The following LHPP variants were observed in gnomAD, a reference collection of about 807,000 sequenced individuals.
The protein encoded by LHPP is phospholysine phosphohistidine inorganic pyrophosphate phosphatase, also known as hLHPP.
Under a neutral mutation model 30.3 loss-of-function variants are expected in LHPP, and 24 were observed. That is an observed-to-expected ratio of 0.79 (90% CI 0.57 to 1.11). LHPP has a LOEUF of 1.11. Ranked by LOEUF, LHPP falls within the 50% of genes most tolerant of loss-of-function variation. The pLI is 0.00. For missense variants in LHPP, 356 were observed against 367.2 expected (o/e 0.97, Z 0.25); for synonymous variants, 150 against 157.1 (o/e 0.95, Z 0.34).
chr10:124,479,772 A>G lies in LHPP; in HGVS notation c.126-4367A>G, dbSNP rs564562180. Among the ~76,000 whole-genome samples, 7 of 152,330 alleles carry G rather than the reference A, an allele frequency of 4.6e-5. No individual in the cohort carries two copies. The East Asian group carries it at 1.4e-3, about 29-fold the overall frequency. ...CCACAAAGGCCCTGTCTCCAGATGC[A>G]GTCACATTGGGGGTTAGGACTCCCC... On this transcript the variant is annotated intron_variant, in intron 1 of 6. Coordinates refer to ENST00000368842, the MANE Select transcript of LHPP (RefSeq NM_022126.4).
At chr10:124,522,184 C>T (rs1218960840) in intron 6 of LHPP, among the ~76,000 whole-genome samples, 2 of 152,124 alleles carry the variant, frequency 1.3e-5, no homozygotes, top group African/African-American at 2.4e-5. Flanking sequence ...CAGGGAAGCA[C>T]AAAGCTTTCT....
intron 6 of LHPP, among the ~76,000 whole-genome samples, chr10:124,608,435 C>T (rs750704877): frequency 1.1e-4 from 17 of 152,232 alleles, no homozygotes; most frequent in Non-Finnish European, 2.5e-4. Flanking sequence ...ACCAACCTGT[C>T]CTTGCCACGA....
intron 6 of LHPP, among the ~76,000 whole-genome samples, chr10:124,568,528 C>T (rs1298294376): frequency 6.6e-6 from 1 of 152,170 alleles, no homozygotes; most frequent in East Asian, 1.9e-4. Context: ...GATCCCTCCG[C>T]GGTGGCGTGG....
intron 3 of LHPP, among the ~76,000 whole-genome samples, chr10:124,491,704 C>T (rs1456527839): frequency 1.3e-5 from 2 of 152,194 alleles, no homozygotes; most frequent in African/African-American, 4.8e-5. Context: ...GTGGGCAGAT[C>T]ACCTGAGGCC....
At chr10:124,565,637 ACGC>A (rs775742201) in intron 6 of LHPP, among the ~76,000 whole-genome samples, 44 of 152,226 alleles carry the variant, frequency 2.9e-4, no homozygotes, top group Non-Finnish European at 4.9e-4. Context: ...ATGCTACCCC[ACGC>A]CGTGCGCCCC....
At chr10:124,598,929 C>T (rs1246921706) in intron 6 of LHPP, among the ~76,000 whole-genome samples, 2 of 151,478 alleles carry the variant, frequency 1.3e-5, no homozygotes, top group African/African-American at 4.9e-5. Flanking sequence ...CCACCCTTTT[C>T]TGTCCATCCC....
At position 124,477,930 on chromosome 10, in the gene LHPP, C is replaced by T. The variant is rs138970393; in HGVS notation, c.126-6209C>T. 9.9e-5 allele frequency among the ~76,000 whole-genome samples: 15 copies of T among 152,186 alleles called. No individual in the cohort carries two copies. The East Asian group carries it at 2.7e-3, about 28-fold the overall frequency. On this transcript the variant is annotated intron_variant, in intron 1 of 6. Transcript: ENST00000368842. ...CCTCCGAGACCCTGGCCTGGGTGCT[C>T]ACTGCCCCTCATCCCTACACAGGAG... is the stretch of plus-strand genomic sequence containing the variant.
chr10:124,542,810 C>A lies in LHPP; in HGVS notation c.716+25539C>A, dbSNP rs553328777. On this transcript the variant is annotated intron_variant, in intron 6 of 6. Transcript: ENST00000368842. ...CCCTCTGCCCTCTCGCCTCCCCTCA[C>A]GTTCATGGGGTTTTGTGGACGCGCC... Among the ~76,000 whole-genome samples the A allele has an allele frequency of 2.0e-5, 3 of 152,308 alleles. No individual in the cohort carries two copies. In the South Asian group the frequency reaches 6.2e-4, roughly 32 times the overall value.
chr10:124,498,181 C>CAG, intron 5 of LHPP, 53 bp downstream of exon 5: 3 of 1,560,720 alleles, frequency 1.9e-6, no homozygotes, highest in Non-Finnish European at 8.8e-7. Flanking sequence ...GTCAGGGAGG[C>CAG]CCTGGAGCTT....
intron 2 of LHPP, among the ~76,000 whole-genome samples, chr10:124,484,879 C>T (rs937473367): frequency 6.6e-6 from 1 of 152,062 alleles, no homozygotes. Flanking sequence ...ACAGACAGCC[C>T]CTTTGACCCT....
intron 6 of LHPP, among the ~76,000 whole-genome samples, chr10:124,608,571 C>T (rs74160944): frequency 1.2e-4 from 19 of 152,196 alleles, no homozygotes; most frequent in African/African-American, 4.3e-4. Context: ...TGGTAGGGGG[C>T]GGAGCCAGCT....
Position 124,596,341 on chromosome 10 carries a change from T to C in LHPP, c.717-16923T>C, listed in dbSNP as rs969841462. On this transcript the variant is annotated intron_variant, in intron 6 of 6. Transcript: ENST00000368842. The surrounding 1 kb of genome is among the most constrained non-coding windows in gnomAD (Gnocchi z 4.6). ...ACTCTTGCCAAACATTTCTCCAGAGTGTCTGATGTACCATGTTGCGCTCCC... is the reference window on the plus strand; with the variant it reads ...ACTCTTGCCAAACATTTCTCCAGAGCGTCTGATGTACCATGTTGCGCTCCC... 1.3e-5 allele frequency among the ~76,000 whole-genome samples: 2 copies of C among 152,020 alleles called. No homozygotes were observed. Among genetic ancestry groups the C allele is most frequent in the Non-Finnish European group, 2.9e-5 (2 of 67,990 alleles).
intron 5 of LHPP, among the ~76,000 whole-genome samples, chr10:124,505,558 T>C (rs17693936): frequency 0.12 from 17,782 of 152,290 alleles, 1,438 homozygotes; most frequent in Non-Finnish European, 0.16. Context: ...GCTGGTATTA[T>C]GCTAATAGAT....
intron 6 of LHPP, among the ~76,000 whole-genome samples, chr10:124,604,991 C>T (rs918514081): frequency 4.6e-5 from 7 of 152,238 alleles, no homozygotes; most frequent in African/African-American, 1.7e-4. Flanking sequence ...AGGCCGCACC[C>T]GTCTCCCTTG....
chr10:124,551,881 G>T (rs891861341), intron 6 of LHPP, among the ~76,000 whole-genome samples: 1 of 152,118 alleles, frequency 6.6e-6, no homozygotes, highest in East Asian at 1.9e-4. Flanking sequence ...CAGGATGTCC[G>T]CAGGCCCCCG....
At chr10:124,479,328 C>T (rs1372453748) in intron 1 of LHPP, among the ~76,000 whole-genome samples, 1 of 152,206 alleles carries the variant, frequency 6.6e-6, no homozygotes, top group Non-Finnish European at 1.5e-5. Flanking sequence ...TGCTGGGGTC[C>T]TGGAGCCGCA....
chr10:124,594,190 C>T (rs993776290), intron 6 of LHPP, among the ~76,000 whole-genome samples: 6 of 151,912 alleles, frequency 3.9e-5, no homozygotes, highest in African/African-American at 1.5e-4. Flanking sequence ...ACTAGCTGGG[C>T]ATGATGGTGC....
At chr10:124,495,615 C>T (rs1407361707) in intron 3 of LHPP, among the ~76,000 whole-genome samples, 4 of 152,186 alleles carry the variant, frequency 2.6e-5, no homozygotes, top group African/African-American at 9.7e-5. Context: ...GGCACAGCCC[C>T]AGGGCAGCTC....
rs1589878963 is a variant in LHPP at position 124,576,724 on chromosome 10, G to A, written c.717-36540G>A. On this transcript the variant is annotated intron_variant, in intron 6 of 6. Coordinates refer to ENST00000368842, the MANE Select transcript of LHPP (RefSeq NM_022126.4). This position sits in a 1 kb window ranked among gnomAD's most constrained non-coding sequence, Gnocchi z 4.2. ...CTGAGGGCGGGGGTACTGGGGGGCTGAGGGGGGTTCTTTAGGGCAGGAGTT... is the reference window on the plus strand; with the variant it reads ...CTGAGGGCGGGGGTACTGGGGGGCTAAGGGGGGTTCTTTAGGGCAGGAGTT... 6.6e-6 allele frequency among the ~76,000 whole-genome samples: 1 copy of A among 152,122 alleles called. No individual in the cohort carries two copies. Among genetic ancestry groups the A allele is most frequent in the South Asian group, 2.1e-4 (1 of 4,836 alleles).
Sources: allele counts gnomAD v4.1 joint callset (sites outside exome capture counted in the v4.1 genomes callset), GRCh38; gene constraint gnomAD v4.1.1; non-coding constraint Gnocchi (gnomAD v3.1); transcripts MANE v1.5; gene names NCBI Gene and HGNC (gene_info 2026-07-23, HGNC 2026-07-21).